The following LZTR1 variants were observed in gnomAD, a reference collection of about 807,000 sequenced individuals.
LZTR1 encodes the protein leucine-zipper-like transcriptional regulator 1.
LZTR1 carries 260 observed loss-of-function variants against 105.7 expected under a neutral mutation model. The observed-to-expected ratio is 2.46, with a 90% CI of 2.22 to 2.72. The LOEUF (loss-of-function observed/expected upper bound fraction) is 2.72, where lower values mean the gene tolerates loss of function less well. LZTR1 is among the 30% of genes most tolerant of loss of function. The pLI is 0.00. For synonymous variants in LZTR1, 490 were observed against 476.4 expected, an observed-to-expected ratio of 1.03 and a Z score of -0.37; for missense variants, 1,214 against 1,166.9, an observed-to-expected ratio of 1.04 and a Z score of -0.59.
Position 20,998,094 on chromosome 22 carries a change from T to C in LZTR1, c.*746T>C, listed in dbSNP as rs990053405. ...GTATTCTGTCACAGACAAGCCTCCA[T>C]TAAAGCCACAGCAGTGCTACCCACC... On this transcript the variant is annotated 3_prime_UTR_variant, in exon 21 of 21. Coordinates refer to ENST00000646124, the MANE Select transcript of LZTR1 (RefSeq NM_006767.4). 1 of 152,332 alleles carries C rather than the reference T, an allele frequency of 6.6e-6. No homozygotes were observed. Among genetic ancestry groups the C allele is most frequent in the Non-Finnish European group, 1.5e-5 (1 of 68,158 alleles). 9.4% of individuals were successfully genotyped at this position (152,332 alleles called of 1,614,324 possible).
At chr22:20,995,135 G>A in intron 16 of LZTR1, 109 bp downstream of exon 16, 1 of 1,263,044 alleles carries the variant, frequency 7.9e-7, no homozygotes, top group East Asian at 2.3e-5. Flanking sequence ...GGTGGGGGTG[G>A]GTGCCATGGG....
At position 20,998,200 on chromosome 22, in the gene LZTR1, G is replaced by C. The variant is rs1924949741; in HGVS notation, c.*852G>C. On this transcript the variant is annotated 3_prime_UTR_variant, in exon 21 of 21. Coordinates refer to ENST00000646124, the MANE Select transcript of LZTR1 (RefSeq NM_006767.4). ...ATGGCTTAGCAGACCCCCAGATGTA[G>C]GTCAGTGGCCTTACCTGTCTCTATC... 6.6e-6 allele frequency: 1 copy of C among 152,356 alleles called. No individual in the cohort carries two copies. Among genetic ancestry groups the C allele is most frequent in the Non-Finnish European group, 1.5e-5 (1 of 68,132 alleles). The allele number at this position is 152,356 out of a possible 1,614,324, so 9.4% of individuals were successfully genotyped here.
At chr22:20,988,684 T>C in intron 5 of LZTR1, 105 bp from the exon 6 acceptor site, 3 of 779,764 alleles carry the variant, frequency 3.8e-6, no homozygotes, top group Admixed American at 1.8e-5. Flanking sequence ...CGGGTGGATG[T>C]AGCCATGCAG....
chr22:20,994,782 C>T (rs1179294364), intron 15 of LZTR1, 55 bp downstream of exon 15: 4 of 1,606,674 alleles, frequency 2.5e-6, no homozygotes, highest in Non-Finnish European at 3.4e-6. Context: ...CAGGCTTAGG[C>T]CCCCTCCCTG....
chr22:20,995,401 G>A lies in LZTR1; in HGVS notation c.1943-345G>A, dbSNP rs774178298. The A allele has an allele frequency of 3.1e-5, 19 of 614,294 alleles. 1 individual carries two copies. Among genetic ancestry groups the A allele is most frequent in the South Asian group, 2.6e-4 (17 of 65,922 alleles). The allele number at this position is 614,294 out of a possible 1,614,324, so 38.1% of individuals were successfully genotyped here. On this transcript the variant is annotated intron_variant, in intron 16 of 20. Coordinates refer to ENST00000646124, the MANE Select transcript of LZTR1 (RefSeq NM_006767.4). ...ATTCCCCCAGCTCTCCCTGGGGCTT[G>A]TGCTGACCCCGGTTGCTGGCTCTTG...
chr22:20,990,338 T>C (rs746114364), intron 7 of LZTR1, 48 bp from the exon 8 acceptor site: 2 of 1,610,952 alleles, frequency 1.2e-6, no homozygotes, highest in Non-Finnish European at 1.7e-6. Flanking sequence ...TGGTGAAATG[T>C]GAGCGGGCCC....
chr22:20,987,644 T>C (rs923415516), intron 4 of LZTR1, 61 bp downstream of exon 4: 1 of 1,446,006 alleles, frequency 6.9e-7, no homozygotes, highest in Non-Finnish European at 9.7e-7. Flanking sequence ...CACCCTGCCC[T>C]TCTGCAGGCC....
chr22:20,997,472 G>A lies in LZTR1; in HGVS notation c.*124G>A. 1.3e-6 allele frequency: 1 copy of A among 746,744 alleles called. No homozygotes were observed. The highest frequency in any genetic ancestry group is 2.3e-6 in the Non-Finnish European group (1 of 438,440). 46.3% of individuals were successfully genotyped at this position (746,744 alleles called of 1,614,324 possible). A position where few individuals can be genotyped will look rare whatever the true frequency, so the allele number is the denominator to read the frequency against. ...CACCTGCCAGGCCAAGGGTCAGGGT[G>A]CCCAGAGCCTCCAAAGAGAGCTGAG... On this transcript the variant is annotated 3_prime_UTR_variant, in exon 21 of 21. Coordinates refer to ENST00000646124, the MANE Select transcript of LZTR1 (RefSeq NM_006767.4).
chr22:20,995,191 A>G lies in LZTR1; in HGVS notation c.1942+165A>G, dbSNP rs5761754. ...GTACAGGGAGGAAACAGATGAAGGC[A>G]GAAGCCCCCGACCCATGGGGCTTGC... On this transcript the variant is annotated intron_variant, in intron 16 of 20. Coordinates refer to ENST00000646124, the MANE Select transcript of LZTR1 (RefSeq NM_006767.4). The G allele has an allele frequency of 0.02, 15,161 of 774,642 alleles. 1,032 individuals carry two copies. The highest frequency in any genetic ancestry group is 0.18 in the East Asian group (6,800 of 37,522). 48.0% of individuals were successfully genotyped at this position (774,642 alleles called of 1,614,324 possible).
intron 7 of LZTR1, among the ~76,000 whole-genome samples, chr22:20,990,062 C>T (rs1221981570): frequency 6.6e-6 from 1 of 152,084 alleles, no homozygotes; most frequent in Non-Finnish European, 1.5e-5. Context: ...CTGGAGCTCC[C>T]CCTGGGCTTG....
chr22:20,990,430 C>T lies in LZTR1; in HGVS notation c.696C>T (p.Pro232=), dbSNP rs763686274. Residue 232 remains proline (P), a synonymous_variant, in exon 8 of 21, where the codon CCC becomes CCT. Coordinates refer to ENST00000646124, the MANE Select transcript of LZTR1 (RefSeq NM_006767.4). ...TCCCCCCATCTTGCTGCAACTTCCC[C>T]GTGGCTGTGTGCCGGGACAAGATGT... The part of the protein sequence containing the change: ...GEIPPSCCNF[P]VAVCRDKMFV... The T allele has an allele frequency of 9.3e-6, 15 of 1,613,978 alleles. No individual in the cohort carries two copies. Among genetic ancestry groups the T allele is most frequent in the East Asian group, 4.5e-5 (2 of 44,896 alleles).
chr22:20,988,068 T>C lies in LZTR1; in HGVS notation c.459T>C (p.Phe153=). The change falls in exon 5 of 21, where the codon TTT becomes TTC. Residue 153 remains phenylalanine (F), a synonymous_variant. Transcript: ENST00000646124. ...ACTTGAAGAATAAAAACGACCTCTT[T>C]GAATACAAGTTTGCAACTGGCCAGT... The part of the protein sequence containing the change: ...NSNLKNKNDL[F]EYKFATGQWT... 3.1e-6 allele frequency: 5 copies of C among 1,613,706 alleles called. No homozygotes were observed. The highest frequency in any genetic ancestry group is 4.2e-6 in the Non-Finnish European group (5 of 1,179,604).
Position 20,997,214 on chromosome 22 carries a change from G to A in LZTR1, c.2407-18G>A, listed in dbSNP as rs542841506. 9.1e-5 allele frequency: 142 copies of A among 1,559,940 alleles called. 1 individual carries two copies. The East Asian group carries it at 9.6e-4, about 11-fold the overall frequency. On this transcript the variant is annotated intron_variant, in intron 20 of 20. Transcript: ENST00000646124. ...GGTGGATCTGGTCCCATCTCCTTCCGGCCTGCTTGCCTTACAGGTCTCCAA... is the reference window on the plus strand; with the variant it reads ...GGTGGATCTGGTCCCATCTCCTTCCAGCCTGCTTGCCTTACAGGTCTCCAA...
At chr22:20,991,507 C>T (rs1381292264) in intron 8 of LZTR1, 121 bp from the exon 9 acceptor site, 1 of 775,830 alleles carries the variant, frequency 1.3e-6, no homozygotes, top group Non-Finnish European at 2.1e-6. Context: ...TCCCTCTGGA[C>T]CCTGGGCTAG....
At chr22:20,982,632 G>A in intron 1 of LZTR1, 61 bp downstream of exon 1, 1 of 1,540,222 alleles carries the variant, frequency 6.5e-7, no homozygotes, top group Non-Finnish European at 8.9e-7. Flanking sequence ...GTCCCAGGGC[G>A]GGTCCAGGGG....
At chr22:20,986,023 T>C in intron 3 of LZTR1, 126 bp downstream of exon 3, 1 of 1,002,784 alleles carries the variant, frequency 1.0e-6, no homozygotes, top group Admixed American at 2.1e-5. Flanking sequence ...CAGGAGGAGA[T>C]AACCACGGCC....
At chr22:20,987,655 T>A in intron 4 of LZTR1, 72 bp downstream of exon 4, 1 of 1,363,880 alleles carries the variant, frequency 7.3e-7, no homozygotes, top group Non-Finnish European at 1.1e-6. Context: ...TCTGCAGGCC[T>A]GGGGCATTTG....
rs770870432 is a variant in LZTR1, at chr22:20,995,846, C to CT, written c.2043_2044insT (p.Lys682Ter). ...TTGACGGGCACCCACGGCCAGCCCA[C>CT]AAGGCTATCCTGGCCGCCCGCTCCA... On this transcript the variant is annotated frameshift_variant, in exon 17 of 21. Transcript: ENST00000646124. LOFTEE classifies it high-confidence loss of function. The CT allele has an allele frequency of 6.2e-7, 1 of 1,613,068 alleles. No individual in the cohort carries two copies. Among genetic ancestry groups the CT allele is most frequent in the South Asian group, 1.1e-5 (1 of 91,068 alleles).
At chr22:20,989,462 G>A (rs956774719) in intron 6 of LZTR1, among the ~76,000 whole-genome samples, 163 bp from the exon 7 acceptor site, 7 of 152,196 alleles carry the variant, frequency 4.6e-5, no homozygotes, top group African/African-American at 1.7e-4. Flanking sequence ...GGGATTTGAG[G>A]CAGTGGCTGC....
Sources: allele counts gnomAD v4.1 joint callset (sites outside exome capture counted in the v4.1 genomes callset), GRCh38; gene constraint gnomAD v4.1.1; transcripts MANE v1.5; gene names NCBI Gene and HGNC (gene_info 2026-07-23, HGNC 2026-07-21).